Variants in PNLDC1 observed in about 807,000 individuals in gnomAD.
PNLDC1 encodes the protein PARN like ribonuclease domain containing exonuclease 1.
A neutral mutation model predicts 82.0 loss-of-function variants in PNLDC1; 70 were observed. The ratio of observed to expected loss-of-function variants is 0.85; its 90% CI spans 0.70 to 1.04. PNLDC1 has a LOEUF of 1.04. Among genes scored for constraint, PNLDC1 ranks in the 50% least tolerant of loss-of-function variants. PNLDC1 has a pLI of 0.00. For synonymous variants in PNLDC1, 280 were observed against 249.3 expected (o/e 1.12, Z -1.16); for missense variants, 631 against 661.1 (o/e 0.95, Z 0.50).
At chr6:159,800,462 G>A (rs1354857899) in intron 1 of PNLDC1, 79 bp downstream of exon 1, 7 of 1,472,316 alleles carry the variant, frequency 4.8e-6, no homozygotes, top group East Asian at 2.5e-5. Flanking sequence ...TGGCGGGACG[G>A]TTGCCAGGCC....
At chr6:159,803,145 T>G (rs1033690366) in intron 3 of PNLDC1, 126 bp from the exon 4 acceptor site, 35 of 710,100 alleles carry the variant, frequency 4.9e-5, no homozygotes, top group Non-Finnish European at 8.0e-5. Flanking sequence ...ATTAAAGATG[T>G]TATCCTGTTG....
In PNLDC1 at chr6:159,801,204, TG is replaced by T. The variant is rs755317758; in HGVS notation, c.208+19del. The T allele has an allele frequency of 1.5e-4, 239 of 1,606,444 alleles. No individual in the cohort carries two copies. Among genetic ancestry groups the T allele is most frequent in the East Asian group, 1.1e-4 (5 of 44,844 alleles). ...TCAGATTGGTGAGTTTAATATCAGCTGTTAGAGTTTTTCAAGAAGGTATTTT... is the reference window on the plus strand; with the variant it reads ...TCAGATTGGTGAGTTTAATATCAGCTTTAGAGTTTTTCAAGAAGGTATTTT... On this transcript the variant is annotated intron_variant, in intron 3 of 18. Coordinates refer to ENST00000392167, the MANE Select transcript of PNLDC1 (RefSeq NM_001271862.2).
chr6:159,811,627 A>G, intron 10 of PNLDC1, 74 bp from the exon 11 acceptor site: 1 of 1,165,692 alleles, frequency 8.6e-7, no homozygotes, highest in Non-Finnish European at 1.3e-6. Context: ...GTGGCAAGCT[A>G]GGTTCAAGAA....
At chr6:159,807,239 C>G (rs1266678426) in intron 7 of PNLDC1, among the ~76,000 whole-genome samples, 1 of 152,138 alleles carries the variant, frequency 6.6e-6, no homozygotes, top group African/African-American at 2.4e-5. Context: ...GTTGCTTAGA[C>G]TTGAAGGTTT....
chr6:159,800,381 T>G lies in PNLDC1; in HGVS notation c.74T>G (p.Val25Gly). ...LQELVQEADF[V>G]GLDIEFTGLR... ...GAGCTCGTCCAGGAGGCCGACTTCG[T>G]GGGTGAAGAGCCTGGGATTCGCGGC... Residue 25 changes from valine to glycine, a missense_variant and splice_region_variant, in exon 1 of 19, where the codon GTG (valine) becomes GGG (glycine). Transcript: ENST00000392167. The G allele has an allele frequency of 6.5e-7, 1 of 1,547,884 alleles. No homozygotes were observed. Among genetic ancestry groups the G allele is most frequent in the Non-Finnish European group, 8.7e-7 (1 of 1,146,308 alleles).
At position 159,820,645 on chromosome 6, in the gene PNLDC1, T is replaced by G. The variant is rs1022851152; in HGVS notation, c.*128T>G. ...TTGGTCTTTTCTAGAAATTCTGTTATGTCCTGAACGTGAAATTCTGTCAAC... is the reference window on the plus strand; with the variant it reads ...TTGGTCTTTTCTAGAAATTCTGTTAGGTCCTGAACGTGAAATTCTGTCAAC... On this transcript the variant is annotated 3_prime_UTR_variant, in exon 19 of 19. Transcript: ENST00000392167. 5.1e-5 allele frequency: 43 copies of G among 851,084 alleles called. No individual in the cohort carries two copies. The highest frequency in any genetic ancestry group is 7.1e-5 in the Non-Finnish European group (37 of 518,654). 52.7% of individuals were successfully genotyped at this position (851,084 alleles called of 1,614,324 possible).
At chr6:159,814,519 A>G (rs1375819207) in intron 12 of PNLDC1, among the ~76,000 whole-genome samples, 2 of 152,002 alleles carry the variant, frequency 1.3e-5, no homozygotes, top group African/African-American at 2.4e-5. Context: ...CCCACCCTAC[A>G]TGACCTATGG....
At chr6:159,804,962 GT>G (rs1265034092) in intron 6 of PNLDC1, among the ~76,000 whole-genome samples, 1 of 152,218 alleles carries the variant, frequency 6.6e-6, no homozygotes, top group Admixed American at 6.5e-5. Context: ...GGAAGAAATC[GT>G]TCTGTTGGAC....
At chr6:159,820,272 C>T (rs891294907) in intron 18 of PNLDC1, among the ~76,000 whole-genome samples, 182 bp from the exon 19 acceptor site, 6 of 152,160 alleles carry the variant, frequency 3.9e-5, no homozygotes, top group East Asian at 1.9e-4. Context: ...TTTCAACCTG[C>T]GGTTTGCATC....
At chr6:159,811,421 A>T (rs1357830191) in intron 10 of PNLDC1, among the ~76,000 whole-genome samples, 1 of 152,172 alleles carries the variant, frequency 6.6e-6, no homozygotes, top group Non-Finnish European at 1.5e-5. Context: ...GTCTTATCCC[A>T]TCGGCTAGAG....
chr6:159,813,762 C>T, intron 12 of PNLDC1, 106 bp downstream of exon 12: 1 of 990,754 alleles, frequency 1.0e-6, no homozygotes, highest in South Asian at 1.3e-5. Flanking sequence ...CACAGTGATG[C>T]CTGCTTGGGA....
chr6:159,804,482 A>T (rs1412158562), intron 5 of PNLDC1, 67 bp from the exon 6 acceptor site: 3 of 1,090,522 alleles, frequency 2.8e-6, no homozygotes, highest in Non-Finnish European at 4.2e-6. Flanking sequence ...GTCCTCGTGA[A>T]ATCAGGCACA....
At position 159,817,116 on chromosome 6, in the gene PNLDC1, G is replaced by C. The variant is rs1268961384; in HGVS notation, c.1122G>C (p.Leu374Phe). Residue 374 changes from leucine to phenylalanine, a missense_variant, in exon 15 of 19, where the codon TTG becomes TTC. Physicochemically the swap from Leu to Phe is conservative, Grantham distance 22 (BLOSUM62 0). Coordinates refer to ENST00000392167, the MANE Select transcript of PNLDC1 (RefSeq NM_001271862.2). ...YDAFLCGSVL[L>F]KVAHLLLQKI... The stretch of plus-strand genomic sequence containing the variant: ...GTCTTTTTTCCTTCCTAGTTCTTTT[G>C]AAAGTGGCACACTTGCTTCTACAGA... 25 of 1,612,138 alleles carry C rather than the reference G, an allele frequency of 1.6e-5. No individual in the cohort carries two copies. The highest frequency in any genetic ancestry group is 2.1e-5 in the Non-Finnish European group (25 of 1,178,530).
intron 3 of PNLDC1, among the ~76,000 whole-genome samples, chr6:159,803,017 G>A (rs997058333): frequency 1.3e-5 from 2 of 152,032 alleles, no homozygotes; most frequent in African/African-American, 4.8e-5. Flanking sequence ...CTATGAGAAT[G>A]TCATTTTAAT....
At position 159,810,032 on chromosome 6, in the gene PNLDC1, G is replaced by GT; in HGVS notation, c.791dup (p.His266ThrfsTer2). 1 of 1,613,872 alleles carries GT rather than the reference G, an allele frequency of 6.2e-7. No individual in the cohort carries two copies. Among genetic ancestry groups the GT allele is most frequent in the Non-Finnish European group, 8.5e-7 (1 of 1,179,792 alleles). On this transcript the variant is annotated frameshift_variant, in exon 10 of 19. Transcript: ENST00000392167. LOFTEE classifies it high-confidence loss of function. Reference sequence around the variant, plus strand: ...GTTGATTTACTCCAAGTAGCCCTTAGTGGGACATAATATGATGATGGACCT... The same window carrying GT: ...GTTGATTTACTCCAAGTAGCCCTTAGTTGGGACATAATATGATGATGGACCT...
At chr6:159,816,162 CA>C (rs1781817913) in intron 13 of PNLDC1, 129 bp downstream of exon 13, 1 of 529,496 alleles carries the variant, frequency 1.9e-6, no homozygotes, top group Admixed American at 3.0e-5. Flanking sequence ...CCCACCCCCC[CA>C]CACCCCTCCC....
At chr6:159,812,692 A>C (rs1781683664) in intron 11 of PNLDC1, among the ~76,000 whole-genome samples, 1 of 152,154 alleles carries the variant, frequency 6.6e-6, no homozygotes, top group Non-Finnish European at 1.5e-5. Flanking sequence ...TGCATAGAGA[A>C]AAGCGACCTG....
At chr6:159,809,700 G>A (rs891927730) in intron 9 of PNLDC1, among the ~76,000 whole-genome samples, 1 of 152,114 alleles carries the variant, frequency 6.6e-6, no homozygotes, top group South Asian at 2.1e-4. Flanking sequence ...CGACTTCTCT[G>A]CTCCTTTCCG....
In PNLDC1 at chr6:159,808,670, A is replaced by G. The variant is rs11969202; in HGVS notation, c.563-70A>G. 4,169 of 1,416,100 alleles carry G rather than the reference A, an allele frequency of 2.9e-3. 98 individuals are homozygous for G. The African/African-American group carries it at 0.049, about 17-fold the overall frequency. 87.7% of individuals were successfully genotyped at this position (1,416,100 alleles called of 1,614,324 possible). A position where few individuals can be genotyped will look rare whatever the true frequency, so the allele number is the denominator to read the frequency against. Reference sequence around the variant, plus strand: ...TTTCCATCTCAGCTTCTGCTCCTCCAGGGCTTCTCTTGTGGGGAACATGCC... The same window carrying G: ...TTTCCATCTCAGCTTCTGCTCCTCCGGGGCTTCTCTTGTGGGGAACATGCC... On this transcript the variant is annotated intron_variant, in intron 7 of 18. Coordinates refer to ENST00000392167, the MANE Select transcript of PNLDC1 (RefSeq NM_001271862.2).
Sources: allele counts gnomAD v4.1 joint callset (sites outside exome capture counted in the v4.1 genomes callset), GRCh38; gene constraint gnomAD v4.1.1; transcripts MANE v1.5; gene names NCBI Gene and HGNC (gene_info 2026-07-23, HGNC 2026-07-21).